The following NOVA1 variants were observed in gnomAD, a reference collection of about 807,000 sequenced individuals.
The protein encoded by NOVA1 is RNA-binding protein Nova-1.
In NOVA1, 7 loss-of-function variants were observed where a neutral mutation model predicts 38.0. The ratio of observed to expected loss-of-function variants is 0.18; its 90% CI spans 0.10 to 0.35. The LOEUF (loss-of-function observed/expected upper bound fraction) is 0.35. Among genes scored for constraint, NOVA1 ranks in the 10% least tolerant of loss-of-function variants. NOVA1 has a pLI of 1.00. For missense variants in NOVA1, 460 were observed against 616.0 expected, an observed-to-expected ratio of 0.75 and a Z score of 2.68; for synonymous variants, 270 against 232.5, an observed-to-expected ratio of 1.16 and a Z score of -1.47.
At chr14:26,536,237 G>A (rs1273807850) in intron 2 of NOVA1, among the ~76,000 whole-genome samples, 1 of 151,576 alleles carries the variant, frequency 6.6e-6, no homozygotes, top group Non-Finnish European at 1.5e-5. Flanking sequence ...TGGGGAGAAG[G>A]CGGGATGTTA....
At chr14:26,561,584 G>A (rs1891827121) in intron 2 of NOVA1, among the ~76,000 whole-genome samples, 1 of 152,114 alleles carries the variant, frequency 6.6e-6, no homozygotes, top group Non-Finnish European at 1.5e-5. Context: ...TAAGGAAAGA[G>A]AAGAATAGAA....
In NOVA1 at chr14:26,444,942, A is replaced by C. The variant is rs1881961252; in HGVS notation, c.*3017T>G. The stretch of plus-strand genomic sequence containing the variant: ...AAGGACAGCTCCCAGTGTTGAGGAA[A>C]AGATCTTGGATCTAGAATGAGGTGT... On this transcript the variant is annotated 3_prime_UTR_variant, in exon 5 of 5. Transcript: ENST00000539517. 1 of 152,164 alleles carries C rather than the reference A, an allele frequency of 6.6e-6. No individual in the cohort carries two copies. The highest frequency in any genetic ancestry group is 2.4e-5 in the African/African-American group (1 of 41,448). 9.4% of individuals were successfully genotyped at this position (152,164 alleles called of 1,614,324 possible). A position where few individuals can be genotyped will look rare whatever the true frequency, so the allele number is the denominator to read the frequency against.
At chr14:26,551,840 T>C (rs1202555281) in intron 2 of NOVA1, among the ~76,000 whole-genome samples, 2 of 152,040 alleles carry the variant, frequency 1.3e-5, no homozygotes, top group South Asian at 2.1e-4. Context: ...TATAAAGATA[T>C]AATAACCATT....
chr14:26,480,664 A>G (rs548895791), intron 2 of NOVA1, among the ~76,000 whole-genome samples: 3 of 151,082 alleles, frequency 2.0e-5, no homozygotes, highest in Admixed American at 2.0e-4. Context: ...GATATTTTAC[A>G]TTGTTTTTTT....
chr14:26,576,836 C>T (rs1005938598), intron 2 of NOVA1, among the ~76,000 whole-genome samples: 7 of 151,862 alleles, frequency 4.6e-5, no homozygotes, highest in African/African-American at 9.7e-5. Context: ...GATAAATTAT[C>T]TATCACTTTC....
intron 4 of NOVA1, chr14:26,470,385 T>G (rs546067090): frequency 6.6e-6 from 10 of 1,513,200 alleles, no homozygotes; most frequent in Non-Finnish European, 7.3e-6. Context: ...TTACAAAGTA[T>G]TAATAATATG....
At position 26,453,204 on chromosome 14, in the gene NOVA1, G is replaced by GTACT. The variant is rs1555314873; in HGVS notation, c.520-4242_520-4241insAGTA. Among the ~76,000 whole-genome samples the GTACT allele has an allele frequency of 3.6e-5, 4 of 110,648 alleles. No homozygotes were observed. The East Asian group carries it at 1.1e-3, about 31-fold the overall frequency. The allele number at this position is 110,648 out of a possible 152,430, so 72.6% of individuals were successfully genotyped here. On this transcript the variant is annotated intron_variant, in intron 4 of 4. Coordinates refer to ENST00000539517, the MANE Select transcript of NOVA1 (RefSeq NM_002515.3). ...TGTATGTATGTATGTATGTATGTAT[G>GTACT]TATGTATTTATTTATTTTTAGAGAG... is the stretch of plus-strand genomic sequence containing the variant.
At chr14:26,501,081 T>A (rs1159838018) in intron 2 of NOVA1, among the ~76,000 whole-genome samples, 1 of 152,048 alleles carries the variant, frequency 6.6e-6, no homozygotes, top group African/African-American at 2.4e-5. Context: ...AGTATTATTT[T>A]ATAGAGCATC....
chr14:26,550,809 A>C (rs1165702543), intron 2 of NOVA1, among the ~76,000 whole-genome samples: 1 of 152,128 alleles, frequency 6.6e-6, no homozygotes, highest in Non-Finnish European at 1.5e-5. Flanking sequence ...CATAAGTCAA[A>C]CTTTTCTGAA....
intron 2 of NOVA1, among the ~76,000 whole-genome samples, chr14:26,524,573 T>A (rs562712527): frequency 6.6e-6 from 1 of 152,314 alleles, no homozygotes; most frequent in South Asian, 2.1e-4. Flanking sequence ...AATCACCTTA[T>A]CAAAAGTAGC....
At chr14:26,561,332 G>T (rs1891809550) in intron 2 of NOVA1, among the ~76,000 whole-genome samples, 1 of 152,238 alleles carries the variant, frequency 6.6e-6, no homozygotes, top group Non-Finnish European at 1.5e-5. Flanking sequence ...AAATACACTT[G>T]GAATTTTTAG....
intron 2 of NOVA1, among the ~76,000 whole-genome samples, chr14:26,546,710 C>A (rs1212504732): frequency 6.6e-6 from 1 of 152,064 alleles, no homozygotes; most frequent in Non-Finnish European, 1.5e-5. Context: ...ATCATTCATA[C>A]ATAAGTACTG....
At chr14:26,475,326 C>T (rs2138269558) in intron 3 of NOVA1, among the ~76,000 whole-genome samples, 1 of 152,310 alleles carries the variant, frequency 6.6e-6, no homozygotes, top group Admixed American at 6.5e-5. Context: ...GCCACTGCAC[C>T]TGGCCTGTTG....
intron 2 of NOVA1, among the ~76,000 whole-genome samples, chr14:26,552,816 G>C (rs1443758027): frequency 6.6e-6 from 1 of 152,126 alleles, no homozygotes; most frequent in Non-Finnish European, 1.5e-5. Context: ...AGAATACTAA[G>C]GAAGCAGCAT....
chr14:26,448,037 C>T lies in NOVA1; in HGVS notation c.1446G>A (p.Gln482=). 3 of 1,614,144 alleles carry T rather than the reference C, an allele frequency of 1.9e-6. No individual in the cohort carries two copies. The highest frequency in any genetic ancestry group is 2.5e-6 in the Non-Finnish European group (3 of 1,180,036). The change falls in exon 5 of 5, where the codon CAG becomes CAA. Residue 482 remains glutamine, a synonymous_variant. Coordinates refer to ENST00000539517, the MANE Select transcript of NOVA1 (RefSeq NM_002515.3). This position sits in a 1 kb window ranked among gnomAD's most constrained non-coding sequence, Gnocchi z 5.3. The part of the protein sequence containing the change: ...VTITGTPAAT[Q]AAQYLITQRI... ...TTTGTGTAATTAAATATTGAGCAGC[C>T]TGTGTTGCAGCTGGTGTTCCAGTAA...
chr14:26,447,230 A>G lies in NOVA1; in HGVS notation c.*729T>C, dbSNP rs1026161381. 4 of 152,790 alleles carry G rather than the reference A, an allele frequency of 2.6e-5. No individual in the cohort carries two copies. The highest frequency in any genetic ancestry group is 2.6e-4 in the Admixed American group (4 of 15,302). The allele number at this position is 152,790 out of a possible 1,614,324, so 9.5% of individuals were successfully genotyped here. A position where few individuals can be genotyped will look rare whatever the true frequency, so the allele number is the denominator to read the frequency against. ...GGATCAGTAGTGAATTCAGTGCTTA[A>G]AAACAAATGTACAAACCTCTGAAGA... On this transcript the variant is annotated 3_prime_UTR_variant, in exon 5 of 5. Coordinates refer to ENST00000539517, the MANE Select transcript of NOVA1 (RefSeq NM_002515.3).
chr14:26,589,661 T>C (rs2083332699), intron 2 of NOVA1, among the ~76,000 whole-genome samples: 1 of 151,740 alleles, frequency 6.6e-6, no homozygotes, highest in Admixed American at 6.6e-5. Context: ...ACCAAGTACT[T>C]CCACTTATTT....
chr14:26,593,664 C>T (rs958660994), intron 2 of NOVA1: 3 of 151,724 alleles, frequency 2.0e-5, no homozygotes, highest in Non-Finnish European at 3.0e-5. Flanking sequence ...AATAACATGC[C>T]TCAGAACTAT....
chr14:26,456,563 T>C (rs1484946805), intron 4 of NOVA1, among the ~76,000 whole-genome samples: 1 of 152,024 alleles, frequency 6.6e-6, no homozygotes. Context: ...GATCATCAAG[T>C]AAAAAATAAA....
Sources: allele counts gnomAD v4.1 joint callset (sites outside exome capture counted in the v4.1 genomes callset), GRCh38; gene constraint gnomAD v4.1.1; non-coding constraint Gnocchi (gnomAD v3.1); transcripts MANE v1.5; gene names NCBI Gene and HGNC (gene_info 2026-07-23, HGNC 2026-07-21).